The following GNAL variants were observed in gnomAD, a reference collection of about 807,000 sequenced individuals.
GNAL encodes the protein guanine nucleotide-binding protein G(olf) subunit alpha.
A neutral mutation model predicts 55.1 loss-of-function variants in GNAL; 18 were observed. The observed-to-expected ratio is 0.33, with a 90% CI of 0.23 to 0.48. The LOEUF is 0.48. Ranked by LOEUF, GNAL falls within the 20% of genes least tolerant of loss-of-function variation. GNAL has a pLI of 0.99. For synonymous variants in GNAL, 253 were observed against 237.0 expected, an observed-to-expected ratio of 1.07 and a Z score of -0.62; for missense variants, 412 against 614.1, an observed-to-expected ratio of 0.67 and a Z score of 3.48.
chr18:11,702,470 A>T (rs2031595602), intron 1 of GNAL, among the ~76,000 whole-genome samples: 1 of 152,242 alleles, frequency 6.6e-6, no homozygotes. Context: ...GCCACAGATC[A>T]ATCAGCTGTT....
At chr18:11,837,835 C>CATA (rs2035529561) in intron 5 of GNAL, among the ~76,000 whole-genome samples, 1 of 152,174 alleles carries the variant, frequency 6.6e-6, no homozygotes, top group Admixed American at 6.5e-5. Flanking sequence ...CAGCATTATT[C>CATA]ATAATAATCA....
chr18:11,842,223 C>T (rs1189168414), intron 5 of GNAL, among the ~76,000 whole-genome samples: 6 of 152,004 alleles, frequency 3.9e-5, no homozygotes, highest in South Asian at 2.1e-4. Context: ...TCAGGTGATA[C>T]ACCTGCCTTG....
chr18:11,730,444 G>T (rs1598416056), intron 1 of GNAL, among the ~76,000 whole-genome samples: 1 of 151,762 alleles, frequency 6.6e-6, no homozygotes, highest in African/African-American at 2.4e-5. Flanking sequence ...ACAGGTGTGA[G>T]CCACCATACC....
At chr18:11,850,836 C>G (rs1352879842) in intron 5 of GNAL, among the ~76,000 whole-genome samples, 2 of 152,170 alleles carry the variant, frequency 1.3e-5, no homozygotes, top group African/African-American at 4.8e-5. Context: ...ATTATTTTCA[C>G]TCAATGCAAT....
chr18:11,851,869 C>T, intron 5 of GNAL: 1 of 1,613,988 alleles, frequency 6.2e-7, no homozygotes. Flanking sequence ...CAAATTCGAG[C>T]ACCAGTTTGA....
chr18:11,730,832 T>C (rs1168793166), intron 1 of GNAL, among the ~76,000 whole-genome samples: 1 of 151,684 alleles, frequency 6.6e-6, no homozygotes, highest in Non-Finnish European at 1.5e-5. Context: ...GTTAAGGGGG[T>C]CGGCTATCTG....
rs1392476399 is a variant in GNAL at position 11,884,612 on chromosome 18, T to C, written c.*3477T>C. On this transcript the variant is annotated 3_prime_UTR_variant, in exon 12 of 12. Coordinates refer to ENST00000334049, the MANE Select transcript of GNAL (RefSeq NM_182978.4). ...TAGCACTTGGAGAGGGTGTAGTCTGTGGGCGTGATGCTACCCTGGAAAGGA... is the reference window on the plus strand; with the variant it reads ...TAGCACTTGGAGAGGGTGTAGTCTGCGGGCGTGATGCTACCCTGGAAAGGA... The C allele has an allele frequency of 6.2e-7, 1 of 1,613,448 alleles. No individual in the cohort carries two copies. The highest frequency in any genetic ancestry group is 1.1e-5 in the South Asian group (1 of 91,064).
intron 4 of GNAL, among the ~76,000 whole-genome samples, chr18:11,785,833 C>T (rs376624687): frequency 6.6e-6 from 1 of 152,134 alleles, no homozygotes; most frequent in African/African-American, 2.4e-5. Context: ...TGCTCAGCCC[C>T]GTGTTGAGCT....
At chr18:11,733,189 C>G (rs1247698521) in intron 1 of GNAL, among the ~76,000 whole-genome samples, 1 of 152,234 alleles carries the variant, frequency 6.6e-6, no homozygotes, top group Non-Finnish European at 1.5e-5. Flanking sequence ...TGCAATGCAC[C>G]AAGCTGCGCC....
intron 4 of GNAL, among the ~76,000 whole-genome samples, chr18:11,774,149 G>T (rs888202719): frequency 5.9e-5 from 9 of 152,196 alleles, no homozygotes; most frequent in African/African-American, 2.2e-4. Flanking sequence ...TGTTATGTGT[G>T]TGTGCTGCCT....
At chr18:11,862,565 T>G in intron 6 of GNAL, 116 bp downstream of exon 6, 1 of 883,472 alleles carries the variant, frequency 1.1e-6, no homozygotes, top group East Asian at 2.6e-5. Context: ...ACCTACTTTT[T>G]GCAAATTGTT....
chr18:11,842,904 A>G (rs2035650050), intron 5 of GNAL, among the ~76,000 whole-genome samples: 2 of 152,142 alleles, frequency 1.3e-5, no homozygotes, highest in Admixed American at 6.5e-5. Context: ...TGACTATTTG[A>G]TTGTTGACTG....
chr18:11,762,019 C>G (rs929346567), intron 4 of GNAL, among the ~76,000 whole-genome samples: 2 of 152,192 alleles, frequency 1.3e-5, no homozygotes, highest in South Asian at 4.1e-4. Flanking sequence ...TCCCACTTTG[C>G]AGAGGAAAAC....
At chr18:11,757,574 G>A (rs549079279) in intron 4 of GNAL, among the ~76,000 whole-genome samples, 5 of 152,264 alleles carry the variant, frequency 3.3e-5, no homozygotes, top group South Asian at 2.1e-4. Flanking sequence ...TAGACTTGTC[G>A]GCATGTGGAT....
chr18:11,843,591 T>G (rs903204804), intron 5 of GNAL, among the ~76,000 whole-genome samples: 7 of 152,042 alleles, frequency 4.6e-5, no homozygotes, highest in Admixed American at 2.0e-4. Flanking sequence ...TAAAAATAAA[T>G]TATTTCTAGT....
At chr18:11,870,378 A>G (rs12454601) in intron 9 of GNAL, among the ~76,000 whole-genome samples, 50,790 of 151,844 alleles carry the variant, frequency 0.33, 9,833 homozygotes, top group African/African-American at 0.54. Flanking sequence ...AAAATTAGCC[A>G]GGAGTGGTGG....
intron 4 of GNAL, among the ~76,000 whole-genome samples, chr18:11,822,392 C>G (rs1432890611): frequency 1.3e-5 from 2 of 152,194 alleles, no homozygotes; most frequent in African/African-American, 4.8e-5. Context: ...ATCGCTTGAG[C>G]CTAAGAGTTG....
At chr18:11,730,337 TTAG>T (rs2032309867) in intron 1 of GNAL, among the ~76,000 whole-genome samples, 1 of 151,888 alleles carries the variant, frequency 6.6e-6, no homozygotes, top group South Asian at 2.1e-4. Flanking sequence ...TTTTGTAGTT[TTAG>T]TAGAGATGGG....
At chr18:11,876,476 T>C in intron 10 of GNAL, 145 bp from the exon 11 acceptor site, 3 of 626,774 alleles carry the variant, frequency 4.8e-6, no homozygotes, top group South Asian at 1.9e-5. Context: ...AAAAAAAAAG[T>C]ACATGTTTGT....
Sources: allele counts gnomAD v4.1 joint callset (sites outside exome capture counted in the v4.1 genomes callset), GRCh38; gene constraint gnomAD v4.1.1; transcripts MANE v1.5; gene names NCBI Gene and HGNC (gene_info 2026-07-23, HGNC 2026-07-21).